Variants in GAREM1 observed in about 807,000 individuals in gnomAD.
GAREM1 encodes GRB2-associated and regulator of MAPK protein 1.
A neutral mutation model predicts 71.3 loss-of-function variants in GAREM1; 26 were observed. The observed-to-expected ratio is 0.36, with a 90% confidence interval of 0.27 to 0.51. The LOEUF is 0.51. Ranked by LOEUF, GAREM1 falls within the 20% of genes least tolerant of loss-of-function variation. GAREM1 has a pLI of 0.95. For synonymous variants in GAREM1, 440 were observed against 433.2 expected (o/e 1.02, Z -0.20); for missense variants, 1,026 against 1,103.1 (o/e 0.93, Z 0.99).
chr18:32,414,013 A>G (rs1003430055), intron 1 of GAREM1, among the ~76,000 whole-genome samples: 2 of 152,132 alleles, frequency 1.3e-5, no homozygotes, highest in Non-Finnish European at 2.9e-5. Context: ...ATCTGGCTTG[A>G]GGGGAGGCAA....
chr18:32,434,246 G>A (rs2048653563), intron 1 of GAREM1, among the ~76,000 whole-genome samples: 1 of 152,162 alleles, frequency 6.6e-6, no homozygotes, highest in African/African-American at 2.4e-5. Flanking sequence ...TATACACTAT[G>A]AACTCCTGAG....
At chr18:32,385,651 C>T (rs1252129621) in intron 2 of GAREM1, among the ~76,000 whole-genome samples, 1 of 152,138 alleles carries the variant, frequency 6.6e-6, no homozygotes, top group Non-Finnish European at 1.5e-5. Context: ...GAAAGCTTTA[C>T]CCAGCTTATT....
chr18:32,341,343 G>A (rs600318), intron 2 of GAREM1, among the ~76,000 whole-genome samples: 3 of 152,180 alleles, frequency 2.0e-5, no homozygotes, highest in African/African-American at 7.2e-5. Context: ...ATTCCACGGT[G>A]TATATGTGCC....
At chr18:32,455,763 A>G (rs915033521) in intron 1 of GAREM1, among the ~76,000 whole-genome samples, 1 of 152,176 alleles carries the variant, frequency 6.6e-6, no homozygotes, top group Non-Finnish European at 1.5e-5. Flanking sequence ...AGTTCTAGCT[A>G]CAACTTCACT....
intron 3 of GAREM1, among the ~76,000 whole-genome samples, chr18:32,296,682 A>G (rs535347185): frequency 3.3e-4 from 42 of 126,274 alleles, no homozygotes; most frequent in South Asian, 2.1e-3. Flanking sequence ...GTTTTCAGTT[A>G]TTATTATTAT....
chr18:32,469,775 C>A (rs2049031766), intron 1 of GAREM1, among the ~76,000 whole-genome samples: 1 of 152,170 alleles, frequency 6.6e-6, no homozygotes, highest in Non-Finnish European at 1.5e-5. Flanking sequence ...CCCCAAATTA[C>A]TTTCAGTTGG....
chr18:32,410,912 C>T (rs770614534), intron 1 of GAREM1, among the ~76,000 whole-genome samples: 9 of 152,250 alleles, frequency 5.9e-5, no homozygotes, highest in African/African-American at 1.9e-4. Flanking sequence ...AAGCGATTCT[C>T]GTGCTTCAGC....
At chr18:32,303,438 A>C (rs2047219226) in intron 3 of GAREM1, among the ~76,000 whole-genome samples, 1 of 152,144 alleles carries the variant, frequency 6.6e-6, no homozygotes, top group Admixed American at 6.5e-5. Context: ...AGACGGGGAA[A>C]ATTTTCTCAT....
At position 32,265,155 on chromosome 18, in the gene GAREM1, C is replaced by T. The variant is rs1359605949; in HGVS notation, c.*2716G>A. On this transcript the variant is annotated 3_prime_UTR_variant, in exon 6 of 6. Transcript: ENST00000269209. ...TCTGTCCAGTCAGGACACCAAGGTCCTTCACAGACAGGTGCTCAGCTTAGG... is the reference window on the plus strand; with the variant it reads ...TCTGTCCAGTCAGGACACCAAGGTCTTTCACAGACAGGTGCTCAGCTTAGG... The T allele has an allele frequency of 6.6e-6, 1 of 152,234 alleles. No homozygotes were observed. Among genetic ancestry groups the T allele is most frequent in the Non-Finnish European group, 1.5e-5 (1 of 68,068 alleles). 9.4% of individuals were successfully genotyped at this position (152,234 alleles called of 1,614,324 possible).
rs1025334737 is a variant in GAREM1 at position 32,270,285 on chromosome 18, C to A, written c.1665G>T (p.Lys555Asn). ...GAGAGCGAGTCTGTTGCCGCGCTGG[C>A]TTGACTGTGCGAGGAGGGATGGAGG... ...TSPSIPPRTVKPARQQTRSPS... is the reference protein window; with the variant it reads ...TSPSIPPRTVNPARQQTRSPS... Residue 555 changes from lysine (K) to asparagine (N), a missense_variant, in exon 5 of 6, where the codon AAG becomes AAT. Physicochemically the swap from Lys to Asn is moderately conservative, Grantham distance 94 (BLOSUM62 0). Coordinates refer to ENST00000269209, the MANE Select transcript of GAREM1 (RefSeq NM_001242409.2). 1.9e-6 allele frequency: 3 copies of A among 1,613,802 alleles called. No homozygotes were observed. Among genetic ancestry groups the A allele is most frequent in the Non-Finnish European group, 2.5e-6 (3 of 1,179,972 alleles).
At chr18:32,390,881 C>A (rs2048189402) in intron 2 of GAREM1, among the ~76,000 whole-genome samples, 1 of 152,076 alleles carries the variant, frequency 6.6e-6, no homozygotes, top group African/African-American at 2.4e-5. Context: ...GAGGTAGGAC[C>A]CCACATCAGT....
chr18:32,454,894 T>C (rs552223790), intron 1 of GAREM1, among the ~76,000 whole-genome samples: 99 of 152,344 alleles, frequency 6.5e-4, no homozygotes, highest in African/African-American at 2.3e-3. Context: ...TTGATCCATC[T>C]GTTGGAACAT....
At chr18:32,306,568 C>G (rs2047258076) in intron 3 of GAREM1, among the ~76,000 whole-genome samples, 1 of 152,112 alleles carries the variant, frequency 6.6e-6, no homozygotes, top group African/African-American at 2.4e-5. Flanking sequence ...AAAGTCACTC[C>G]TGGTTGAGAA....
chr18:32,416,219 G>A (rs1403200396), intron 1 of GAREM1, among the ~76,000 whole-genome samples: 2 of 151,626 alleles, frequency 1.3e-5, no homozygotes, highest in Non-Finnish European at 2.9e-5. Flanking sequence ...AAGAAATGAA[G>A]AGGACACAAA....
chr18:32,327,547 C>T (rs1402256102), intron 2 of GAREM1, among the ~76,000 whole-genome samples: 1 of 152,016 alleles, frequency 6.6e-6, no homozygotes, highest in African/African-American at 2.4e-5. Flanking sequence ...ATACCTAAAA[C>T]CAGCAAATAT....
At position 32,317,062 on chromosome 18, in the gene GAREM1, T is replaced by G. The variant is rs149911630; in HGVS notation, c.263-6739A>C. Among the ~76,000 whole-genome samples, 699 of 152,210 alleles carry G rather than the reference T, an allele frequency of 4.6e-3. 2 individuals carry two copies. The highest frequency in any genetic ancestry group is 7.9e-3 in the Non-Finnish European group (534 of 68,004). ...CACAGTGTGCTGACTTCTGTCCTGC[T>G]GGAAGGAGTGGAAAGTATAGGTCAG... On this transcript the variant is annotated intron_variant, in intron 2 of 5. Coordinates refer to ENST00000269209, the MANE Select transcript of GAREM1 (RefSeq NM_001242409.2).
chr18:32,412,961 C>T, intron 1 of GAREM1: 2 of 1,328,512 alleles, frequency 1.5e-6, no homozygotes, highest in Non-Finnish European at 2.1e-6. Flanking sequence ...GCCTTGCATT[C>T]ATAGCTGCAT....
At chr18:32,404,086 A>C (rs1001603578) in intron 1 of GAREM1, among the ~76,000 whole-genome samples, 29 of 152,260 alleles carry the variant, frequency 1.9e-4, no homozygotes, top group African/African-American at 6.7e-4. Flanking sequence ...TGCTGATTGT[A>C]AGTATTTCAG....
chr18:32,436,789 A>T (rs1310032657), intron 1 of GAREM1, among the ~76,000 whole-genome samples: 1 of 152,214 alleles, frequency 6.6e-6, no homozygotes, highest in South Asian at 2.1e-4. Flanking sequence ...ATTTATTCTG[A>T]GTATGTAACT....
Sources: gnomAD v4.1 joint callset for allele counts (sites outside exome capture counted in the v4.1 genomes callset) on GRCh38, gnomAD v4.1.1 for gene constraint, MANE v1.5 for transcripts, NCBI Gene and HGNC (gene_info 2026-07-23, HGNC 2026-07-21) for gene names.